Variants in DENND4A observed in about 807,000 individuals in gnomAD.
The protein encoded by DENND4A is DENN domain containing 4A, also known as C-myc promoter-binding protein.
Under a neutral mutation model 199.3 loss-of-function variants are expected in DENND4A, and 70 were observed. The ratio of observed to expected loss-of-function variants is 0.35; its 90% CI spans 0.29 to 0.43. DENND4A has a LOEUF of 0.43. DENND4A is among the 20% of genes least tolerant of loss of function. DENND4A has a pLI of 1.00. For synonymous variants in DENND4A, 686 were observed against 766.9 expected, an observed-to-expected ratio of 0.89 and a Z score of 1.74; for missense variants, 1,723 against 2,255.8, an observed-to-expected ratio of 0.76 and a Z score of 4.78.
chr15:65,663,789 A>G (rs1244675715), intron 32 of DENND4A, among the ~76,000 whole-genome samples: 1 of 151,272 alleles, frequency 6.6e-6, no homozygotes, highest in Non-Finnish European at 1.5e-5. Context: ...AGCTGGGACT[A>G]CAGCCATGTG....
chr15:65,722,811 GATTAAATTACCTCCTTTAATTA>G lies in DENND4A; in HGVS notation c.1588+15_1588+36del, dbSNP rs1243896013. The G allele has an allele frequency of 1.4e-6, 2 of 1,460,042 alleles. No homozygotes were observed. The highest frequency in any genetic ancestry group is 2.9e-5 in the African/African-American group (2 of 69,962). The allele number at this position is 1,460,042 out of a possible 1,614,324, so 90.4% of individuals were successfully genotyped here. ...CAAAGTAATTGGAGTCCCTTTTTCA[GATTAAATTACCTCCTTTAATTA>G]AGTTATCCACTTACATTTTGCCAAT... On this transcript the variant is annotated intron_variant, in intron 12 of 32. Transcript: ENST00000443035.
intron 23 of DENND4A, among the ~76,000 whole-genome samples, chr15:65,684,163 G>A (rs1028206961): frequency 2.0e-5 from 3 of 152,080 alleles, no homozygotes; most frequent in African/African-American, 7.2e-5. Flanking sequence ...TGGCTTTTAT[G>A]AACAATGTTA....
intron 14 of DENND4A, among the ~76,000 whole-genome samples, chr15:65,709,727 T>A (rs1405850969): frequency 1.2e-4 from 16 of 129,606 alleles, no homozygotes; most frequent in South Asian, 5.0e-4. Flanking sequence ...AAAATATATA[T>A]ATATATATAT....
intron 11 of DENND4A, chr15:65,727,820 A>C: frequency 2.5e-6 from 1 of 400,758 alleles, no homozygotes; most frequent in Non-Finnish European, 4.8e-6. Context: ...AAAACAATAC[A>C]GAATTATAAA....
chr15:65,783,502 G>C (rs981165884), intron 1 of DENND4A, among the ~76,000 whole-genome samples: 1 of 152,184 alleles, frequency 6.6e-6, no homozygotes, highest in African/African-American at 2.4e-5. Context: ...AAAAGGCCTA[G>C]AAGTCATGAT....
rs1362535499 is a variant in DENND4A, at chr15:65,676,141, A to AAAATATATATATATATATATAT, written c.4369+303_4369+304insATATATATATATATATATATTT. ...AGAAGACAGGGAAGTAATAAGGAAA[A>AAAATATATATATATATATATAT]ATATATATATATATATATATATATA... On this transcript the variant is annotated intron_variant, in intron 24 of 32. Transcript: ENST00000443035. Among the ~76,000 whole-genome samples, 10 of 110,458 alleles carry AAAATATATATATATATATATAT rather than the reference A, an allele frequency of 9.1e-5. No homozygotes were observed. In the South Asian group the frequency reaches 1.1e-3, roughly 12 times the overall value. The allele number at this position is 110,458 out of a possible 152,430, so 72.5% of individuals were successfully genotyped here.
At chr15:65,773,891 T>C (rs2077208886) in intron 1 of DENND4A, among the ~76,000 whole-genome samples, 1 of 152,186 alleles carries the variant, frequency 6.6e-6, no homozygotes, top group South Asian at 2.1e-4. Flanking sequence ...GGTTGATTAT[T>C]TTTAATGGGG....
At position 65,665,334 on chromosome 15, in the gene DENND4A, A is replaced by T. The variant is rs376239697; in HGVS notation, c.5359+11T>A. On this transcript the variant is annotated intron_variant, in intron 30 of 32. Transcript: ENST00000443035. ...ATATGAACAAAGTCAGCATTCTATG[A>T]TGGCACTTACTGTGTGCATTCCAGA... The T allele has an allele frequency of 6.8e-5, 109 of 1,603,638 alleles. 3 individuals carry two copies. The South Asian group carries it at 1.1e-3, about 16-fold the overall frequency.
chr15:65,735,546 C>G (rs2076090079), intron 7 of DENND4A, among the ~76,000 whole-genome samples: 1 of 152,102 alleles, frequency 6.6e-6, no homozygotes, highest in African/African-American at 2.4e-5. Context: ...CTAGTAGTTG[C>G]TATATTCTTT....
chr15:65,736,149 T>C (rs768301986), intron 7 of DENND4A, among the ~76,000 whole-genome samples: 2 of 152,230 alleles, frequency 1.3e-5, no homozygotes, highest in Non-Finnish European at 2.9e-5. Context: ...ATTTGGAAGA[T>C]GGGATTAACT....
At chr15:65,718,332 AAG>A (rs1260458783) in intron 12 of DENND4A, among the ~76,000 whole-genome samples, 2 of 152,178 alleles carry the variant, frequency 1.3e-5, no homozygotes, top group African/African-American at 2.4e-5. Context: ...TGGGCAACAT[AAG>A]AGAGATTCTG....
chr15:65,667,808 TG>T, intron 28 of DENND4A, 105 bp from the exon 29 acceptor site: 1 of 1,488,200 alleles, frequency 6.7e-7, no homozygotes, highest in Non-Finnish European at 9.1e-7. Flanking sequence ...AATTGTATCA[TG>T]GGATAAGAGA....
chr15:65,747,817 C>G (rs556868845), intron 4 of DENND4A, among the ~76,000 whole-genome samples: 1 of 151,774 alleles, frequency 6.6e-6, no homozygotes, highest in East Asian at 1.9e-4. Context: ...CTCAGGTGGG[C>G]GGATCACAAG....
intron 4 of DENND4A, among the ~76,000 whole-genome samples, chr15:65,744,106 G>A (rs1366418155): frequency 6.6e-6 from 1 of 151,950 alleles, no homozygotes; most frequent in East Asian, 1.9e-4. Context: ...TTTGAATAAG[G>A]GTAGCAACAG....
At chr15:65,697,416 AG>A (rs761263192) in intron 20 of DENND4A, 33 bp from the exon 21 acceptor site, 1 of 1,370,516 alleles carries the variant, frequency 7.3e-7, no homozygotes, top group South Asian at 1.2e-5. Flanking sequence ...AAACTCTATT[AG>A]AAACTTCTTT....
At position 65,709,769 on chromosome 15, in the gene DENND4A, T is replaced by C. The variant is rs1388954767; in HGVS notation, c.1954-3545A>G. On this transcript the variant is annotated intron_variant, in intron 14 of 32. Coordinates refer to ENST00000443035, the MANE Select transcript of DENND4A (RefSeq NM_001320835.1). ...TCTCGTGACACTTTATTTTCTCTAA[T>C]AAGTCTCTTGAATTATAACAAAGCA... Among the ~76,000 whole-genome samples, 3 of 143,592 alleles carry C rather than the reference T, an allele frequency of 2.1e-5. No homozygotes were observed. The Admixed American group carries it at 2.1e-4, about 10-fold the overall frequency. The allele number at this position is 143,592 out of a possible 152,430, so 94.2% of individuals were successfully genotyped here. A position where few individuals can be genotyped will look rare whatever the true frequency, so the allele number is the denominator to read the frequency against.
Position 65,792,265 on chromosome 15 carries a change from G to C in DENND4A, c.-357C>G, listed in dbSNP as rs369472484. 6.6e-6 allele frequency: 1 copy of C among 152,028 alleles called. No individual in the cohort carries two copies. The highest frequency in any genetic ancestry group is 1.5e-5 in the Non-Finnish European group (1 of 68,188). 9.4% of individuals were successfully genotyped at this position (152,028 alleles called of 1,614,324 possible). ...TCTTTCTCCGACTCTAGCCTCCGCGGCCACCGCGACCGGCGCCATCTTGGC... is the reference window on the plus strand; with the variant it reads ...TCTTTCTCCGACTCTAGCCTCCGCGCCCACCGCGACCGGCGCCATCTTGGC... On this transcript the variant is annotated 5_prime_UTR_variant, in exon 1 of 33. Coordinates refer to ENST00000443035, the MANE Select transcript of DENND4A (RefSeq NM_001320835.1).
At chr15:65,772,020 G>A in intron 1 of DENND4A, 2 of 1,421,562 alleles carry the variant, frequency 1.4e-6, no homozygotes, top group Non-Finnish European at 9.8e-7. Context: ...GCAGGCCAAG[G>A]GCAGTGGGTA....
chr15:65,712,388 TTTC>T (rs1233916562), intron 14 of DENND4A, among the ~76,000 whole-genome samples: 1 of 152,182 alleles, frequency 6.6e-6, no homozygotes, highest in Non-Finnish European at 1.5e-5. Context: ...GTCATAATAT[TTTC>T]TTTTTAGTTT....
Sources: gnomAD v4.1 joint callset for allele counts (sites outside exome capture counted in the v4.1 genomes callset) on GRCh38, gnomAD v4.1.1 for gene constraint, MANE v1.5 for transcripts, NCBI Gene and HGNC (gene_info 2026-07-23, HGNC 2026-07-21) for gene names.